Variants in FBXO47 observed in about 807,000 individuals in gnomAD.
The protein encoded by FBXO47 is F-box protein 47, also known as F-box only protein 47.
In FBXO47, 34 loss-of-function variants were observed where a neutral mutation model predicts 53.9. That is an observed-to-expected ratio of 0.63 (90% CI 0.48 to 0.84). FBXO47 has a LOEUF of 0.84. Ranked by LOEUF, FBXO47 falls within the 40% of genes least tolerant of loss-of-function variation. The pLI is 0.00. For missense variants in FBXO47, 485 were observed against 541.3 expected, an observed-to-expected ratio of 0.90 and a Z score of 1.03; for synonymous variants, 165 against 181.6, an observed-to-expected ratio of 0.91 and a Z score of 0.73.
chr17:38,954,031 G>A (rs558687852), intron 5 of FBXO47, among the ~76,000 whole-genome samples: 97 of 152,118 alleles, frequency 6.4e-4, no homozygotes, highest in African/African-American at 1.8e-3. Flanking sequence ...GGTTGCTCAC[G>A]CCTGTAATCT....
chr17:38,955,687 C>T (rs904797392), intron 4 of FBXO47, among the ~76,000 whole-genome samples: 11 of 151,410 alleles, frequency 7.3e-5, no homozygotes, highest in East Asian at 2.0e-4. Context: ...TTAGTAGAGA[C>T]GGGGTTTCAC....
chr17:38,948,567 A>C (rs948514810), intron 6 of FBXO47, among the ~76,000 whole-genome samples: 1 of 152,018 alleles, frequency 6.6e-6, no homozygotes, highest in Non-Finnish European at 1.5e-5. Context: ...GCATTTTGTG[A>C]CTGGCTTATT....
In FBXO47 at chr17:38,944,190, CATGTGTGTGTGT is replaced by C. The variant is rs1160712264; in HGVS notation, c.794-466_794-455del. ...CAGCGAGACTCTGTCTCAAAAAAAA[CATGTGTGTGTGT>C]GTGTGTGTGTGTGTGTGTGTGTGTG... On this transcript the variant is annotated intron_variant, in intron 7 of 10. Coordinates refer to ENST00000378079, the MANE Select transcript of FBXO47 (RefSeq NM_001008777.3). Among the ~76,000 whole-genome samples, 56 of 122,758 alleles carry C rather than the reference CATGTGTGTGTGT, an allele frequency of 4.6e-4. 1 individual carries two copies. Among genetic ancestry groups the C allele is most frequent in the East Asian group, 4.1e-3 (15 of 3,622 alleles). 80.5% of individuals were successfully genotyped at this position (122,758 alleles called of 152,430 possible). A position where few individuals can be genotyped will look rare whatever the true frequency, so the allele number is the denominator to read the frequency against.
chr17:38,947,651 T>C (rs192814607), intron 6 of FBXO47, among the ~76,000 whole-genome samples: 24 of 152,292 alleles, frequency 1.6e-4, no homozygotes, highest in African/African-American at 3.8e-4. Context: ...GGCTCATGCC[T>C]GTAATCCCAG....
intron 5 of FBXO47, 78 bp downstream of exon 5, chr17:38,954,778 T>C: frequency 7.5e-6 from 6 of 795,086 alleles, no homozygotes; most frequent in Non-Finnish European, 1.2e-5. Flanking sequence ...TATTAACCTA[T>C]GAAAAGAGAG....
chr17:38,937,263 A>G lies in FBXO47; in HGVS notation c.1271T>C (p.Phe424Ser), dbSNP rs761609687. The G allele has an allele frequency of 1.9e-6, 3 of 1,607,122 alleles. No homozygotes were observed. The South Asian group carries it at 3.3e-5, about 18-fold the overall frequency. Residue 424 changes from phenylalanine to serine, a missense_variant, in exon 11 of 11, where the codon TTT (phenylalanine) becomes TCT (serine). Phe to Ser is a radical substitution (Grantham distance 155, BLOSUM62 -2). Transcript: ENST00000378079. The part of the protein sequence containing the change: ...SGDRDEDDRS[F>S]LNLFHLVHAQ... ...ATGTACAAGATGGAACAAATTCAAA[A>G]AGCTTCTGTCATCTTCATCACGGTC...
intron 7 of FBXO47, among the ~76,000 whole-genome samples, 193 bp from the exon 8 acceptor site, chr17:38,943,929 T>G (rs1598137496): frequency 6.6e-6 from 1 of 152,092 alleles, no homozygotes; most frequent in East Asian, 1.9e-4. Flanking sequence ...TGGTGGCTCA[T>G]GCCTGTAATC....
rs372467875 is a variant in FBXO47 at position 38,941,620 on chromosome 17, T to TATATATATA, written c.1083+1157_1083+1158insTATATATAT. ...AAATGAATATTAAATAAATATAATA[T>TATATATATA]TATATATATATATATATATATATAT... On this transcript the variant is annotated intron_variant, in intron 9 of 10. Coordinates refer to ENST00000378079, the MANE Select transcript of FBXO47 (RefSeq NM_001008777.3). 6.8e-3 allele frequency among the ~76,000 whole-genome samples: 780 copies of TATATATATA among 115,046 alleles called. 10 individuals carry two copies. The highest frequency in any genetic ancestry group is 8.6e-3 in the East Asian group (34 of 3,942). 75.5% of individuals were successfully genotyped at this position (115,046 alleles called of 152,430 possible).
At chr17:38,947,630 CCAGGCGTGG>C (rs1391560970) in intron 6 of FBXO47, among the ~76,000 whole-genome samples, 4 of 152,178 alleles carry the variant, frequency 2.6e-5, no homozygotes, top group Admixed American at 2.6e-4. Context: ...AGATTAACGG[CCAGGCGTGG>C]TGGCTCATGC....
intron 9 of FBXO47, among the ~76,000 whole-genome samples, chr17:38,942,340 A>T (rs1904547350): frequency 6.6e-6 from 1 of 152,162 alleles, no homozygotes; most frequent in South Asian, 2.1e-4. Flanking sequence ...CACACCTGTA[A>T]TCCCAGCACT....
chr17:38,944,575 G>A (rs568767358), intron 7 of FBXO47, among the ~76,000 whole-genome samples: 5 of 151,780 alleles, frequency 3.3e-5, no homozygotes, highest in Middle Eastern at 3.4e-3. Context: ...GGTGGCAGGC[G>A]CCTGTAATCC....
chr17:38,964,691 TAAC>T (rs1393514864), intron 1 of FBXO47, among the ~76,000 whole-genome samples: 155 of 151,810 alleles, frequency 1.0e-3, no homozygotes, highest in African/African-American at 3.7e-3. Flanking sequence ...AAACAAAAAA[TAAC>T]AATAATAATA....
At chr17:38,953,233 C>A (rs1352620234) in intron 5 of FBXO47, among the ~76,000 whole-genome samples, 1 of 151,290 alleles carries the variant, frequency 6.6e-6, no homozygotes, top group Admixed American at 6.6e-5. Context: ...GCAGAAGAAT[C>A]ACTTGAACCC....
At position 38,943,702 on chromosome 17, in the gene FBXO47, A is replaced by G. The variant is rs868566070; in HGVS notation, c.828T>C (p.Pro276=). 1 of 1,609,710 alleles carries G rather than the reference A, an allele frequency of 6.2e-7. No homozygotes were observed. Among genetic ancestry groups the G allele is most frequent in the Middle Eastern group, 1.7e-4 (1 of 6,056 alleles). The change falls in exon 8 of 11, where the codon CCT becomes CCC. Residue 276 remains proline, a synonymous_variant. Coordinates refer to ENST00000378079, the MANE Select transcript of FBXO47 (RefSeq NM_001008777.3). ...QVVWQEMIEE[P]TDEFSLKGLA... ...AACCTTTCAGACTGAATTCATCTGT[A>G]GGTTCTTCTATCATTTCCTGCCAAA...
chr17:38,946,611 T>A (rs1310419082), intron 6 of FBXO47, among the ~76,000 whole-genome samples: 2 of 35,798 alleles, frequency 5.6e-5, no homozygotes, highest in Non-Finnish European at 9.0e-5. Context: ...TGAATATATA[T>A]AACTATATAA....
intron 5 of FBXO47, 68 bp downstream of exon 5, chr17:38,954,788 G>A (rs1323143090): frequency 1.2e-6 from 1 of 848,544 alleles, no homozygotes; most frequent in Non-Finnish European, 1.9e-6. Context: ...TGAAAAGAGA[G>A]ATTGGATATT....
chr17:38,948,819 T>G (rs1598143137), intron 6 of FBXO47, among the ~76,000 whole-genome samples: 2 of 152,148 alleles, frequency 1.3e-5, no homozygotes, highest in Middle Eastern at 6.8e-3. Flanking sequence ...GTTTGTTACA[T>G]AGGTATACAT....
intron 9 of FBXO47, 64 bp downstream of exon 9, chr17:38,942,714 C>G: frequency 1.5e-6 from 2 of 1,302,296 alleles, no homozygotes; most frequent in Non-Finnish European, 1.1e-6. Context: ...TCCTTCAGGG[C>G]AGCTCCCTGT....
At position 38,939,652 on chromosome 17, in the gene FBXO47, CTTTTTTTTTTT is replaced by C. The variant is rs970784178; in HGVS notation, c.1084-931_1084-921del. ...AAACTGACTGAAAAGTAAAAGGTTT[CTTTTTTTTTTT>C]TTTTTTTTTTTTTTTGAGACGGAGT... On this transcript the variant is annotated intron_variant, in intron 9 of 10. Coordinates refer to ENST00000378079, the MANE Select transcript of FBXO47 (RefSeq NM_001008777.3). 3.6e-3 allele frequency among the ~76,000 whole-genome samples: 327 copies of C among 91,108 alleles called. 2 individuals are homozygous for C. The highest frequency in any genetic ancestry group is 5.0e-3 in the Non-Finnish European group (235 of 47,460). The allele number at this position is 91,108 out of a possible 152,430, so 59.8% of individuals were successfully genotyped here.
Sources: gnomAD v4.1 joint callset for allele counts (sites outside exome capture counted in the v4.1 genomes callset) on GRCh38, gnomAD v4.1.1 for gene constraint, MANE v1.5 for transcripts, NCBI Gene and HGNC (gene_info 2026-07-23, HGNC 2026-07-21) for gene names.